Variants in LPP observed in about 807,000 individuals in gnomAD.
LPP encodes LIM domain containing preferred translocation partner in lipoma.
Under a neutral mutation model 60.4 loss-of-function variants are expected in LPP, and 38 were observed. That is an observed-to-expected ratio of 0.63 (90% confidence interval 0.49 to 0.83). LPP has a LOEUF of 0.83. Ranked by LOEUF, LPP falls within the 40% of genes least tolerant of loss-of-function variation. The pLI, the probability that LPP is intolerant of heterozygous loss-of-function variation, is 0.00. For synonymous variants in LPP, 328 were observed against 290.8 expected, an observed-to-expected ratio of 1.13 and a Z score of -1.30; for missense variants, 902 against 783.6, an observed-to-expected ratio of 1.15 and a Z score of -1.80.
intron 2 of LPP, among the ~76,000 whole-genome samples, chr3:188,316,130 C>T (rs1754981955): frequency 6.6e-6 from 1 of 152,004 alleles, no homozygotes. Flanking sequence ...ACAAAAAAAC[C>T]AGCCAGGCAT....
intron 7 of LPP, among the ~76,000 whole-genome samples, chr3:188,692,715 C>A (rs1862391598): frequency 6.6e-6 from 1 of 152,216 alleles, no homozygotes; most frequent in South Asian, 2.1e-4. Flanking sequence ...AGGCACTCAG[C>A]AAGTGCCCTT....
intron 3 of LPP, among the ~76,000 whole-genome samples, chr3:188,397,756 G>A (rs1302363784): frequency 6.6e-6 from 1 of 152,054 alleles, no homozygotes; most frequent in Non-Finnish European, 1.5e-5. Context: ...TGGGACTACA[G>A]GTGTGCACCT....
At chr3:188,658,810 C>G (rs1853934198) in intron 7 of LPP, among the ~76,000 whole-genome samples, 1 of 152,174 alleles carries the variant, frequency 6.6e-6, no homozygotes, top group Non-Finnish European at 1.5e-5. Flanking sequence ...ACAATCTGGT[C>G]CTTTGGCTGG....
chr3:188,737,569 C>T (rs1722964300), intron 8 of LPP, among the ~76,000 whole-genome samples: 1 of 152,138 alleles, frequency 6.6e-6, no homozygotes, highest in African/African-American at 2.4e-5. Context: ...CCCCCTTTCC[C>T]ACTCGCCCTC....
At chr3:188,273,590 T>TG (rs1738586124) in intron 2 of LPP, among the ~76,000 whole-genome samples, 1 of 1,014 alleles carries the variant, frequency 9.9e-4, no homozygotes, top group Non-Finnish European at 2.3e-3. Context: ...ATTTTATATC[T>TG]TTTTTTTTTT....
In LPP at chr3:188,890,111, G is replaced by A. The variant is rs1037670252; in HGVS notation, c.*15632G>A. On this transcript the variant is annotated 3_prime_UTR_variant, in exon 12 of 12. Coordinates refer to ENST00000617246, the MANE Select transcript of LPP (RefSeq NM_001375462.1). ...AAAGGTTAAATGGTGTTTACAAGTG[G>A]ATAGATAAGGCGGAGATGGTGAGAA... The A allele has an allele frequency of 9.3e-6, 2 of 215,202 alleles. No individual in the cohort carries two copies. Among genetic ancestry groups the A allele is most frequent in the Non-Finnish European group, 1.9e-5 (2 of 106,616 alleles). The allele number at this position is 215,202 out of a possible 1,614,324, so 13.3% of individuals were successfully genotyped here.
At chr3:188,767,322 A>G (rs2150601776) in intron 9 of LPP, among the ~76,000 whole-genome samples, 1 of 152,284 alleles carries the variant, frequency 6.6e-6, no homozygotes, top group Admixed American at 6.5e-5. Context: ...ACTTTTTGAT[A>G]AATGTCACAG....
At chr3:188,607,937 A>T (rs1000370900) in intron 6 of LPP, among the ~76,000 whole-genome samples, 9 of 151,890 alleles carry the variant, frequency 5.9e-5, no homozygotes, top group Admixed American at 4.6e-4. Context: ...TCCTTTTTTT[A>T]TGTGGTATTT....
At chr3:188,567,189 A>G (rs1832378916) in intron 6 of LPP, among the ~76,000 whole-genome samples, 1 of 151,930 alleles carries the variant, frequency 6.6e-6, no homozygotes, top group South Asian at 2.1e-4. Context: ...ATGACGCTGT[A>G]AAACTTTTTG....
intron 8 of LPP, among the ~76,000 whole-genome samples, chr3:188,713,606 TAGAG>T (rs928915034): frequency 2.0e-4 from 30 of 151,652 alleles, no homozygotes; most frequent in East Asian, 9.7e-4. Flanking sequence ...GTGACAGAAA[TAGAG>T]AGAGAGAGAC....
intron 1 of LPP, among the ~76,000 whole-genome samples, chr3:188,187,045 T>G (rs565882732): frequency 1.2e-4 from 19 of 152,298 alleles, no homozygotes; most frequent in Admixed American, 1.2e-3. Context: ...TATTAGAGTT[T>G]CCCTCCACTT....
intron 2 of LPP, among the ~76,000 whole-genome samples, chr3:188,277,931 A>G (rs916368222): frequency 6.6e-6 from 1 of 152,202 alleles, no homozygotes; most frequent in African/African-American, 2.4e-5. Context: ...TTTAGTAGAG[A>G]TAAGGCAGAG....
intron 2 of LPP, among the ~76,000 whole-genome samples, chr3:188,338,000 T>G (rs1187181712): frequency 6.6e-6 from 1 of 152,234 alleles, no homozygotes; most frequent in African/African-American, 2.4e-5. Flanking sequence ...ATTTCTAGAT[T>G]ATACATTCCA....
rs143113280 is a variant in LPP at position 188,351,361 on chromosome 3, A to C, written c.-10+9642A>C. Among the ~76,000 whole-genome samples the C allele has an allele frequency of 7.9e-5, 12 of 152,284 alleles. No homozygotes were observed. In the East Asian group the frequency reaches 2.3e-3, roughly 29 times the overall value. ...AAATGACTTACTTAAATTTGCCTGC[A>C]TAGTTAGTGGCAGTTCTGCAAATCG... On this transcript the variant is annotated intron_variant, in intron 3 of 11. Transcript: ENST00000617246.
chr3:188,517,724 A>T (rs1817764672), intron 5 of LPP, among the ~76,000 whole-genome samples: 1 of 152,186 alleles, frequency 6.6e-6, no homozygotes, highest in African/African-American at 2.4e-5. Flanking sequence ...AAACCATCAG[A>T]TCTCGTGAAA....
intron 8 of LPP, among the ~76,000 whole-genome samples, chr3:188,750,441 G>A (rs1359032595): frequency 1.3e-5 from 2 of 152,050 alleles, no homozygotes; most frequent in African/African-American, 4.8e-5. Flanking sequence ...GACTAGCCTG[G>A]CCAACATGGT....
intron 6 of LPP, among the ~76,000 whole-genome samples, chr3:188,570,505 G>A (rs2150834487): frequency 6.6e-6 from 1 of 152,086 alleles, no homozygotes; most frequent in South Asian, 2.1e-4. Flanking sequence ...CTGTGGAGTG[G>A]CTTAAAGGAC....
At position 188,424,267 on chromosome 3, in the gene LPP, A is replaced by T. The variant is rs574089417; in HGVS notation, c.193+17954A>T. On this transcript the variant is annotated intron_variant, in intron 4 of 11. Coordinates refer to ENST00000617246, the MANE Select transcript of LPP (RefSeq NM_001375462.1). ...TTTGTCAGAGATCAGATGGTTGTAGATGTGCAGTGTTATTTCTGAGGCCTC... is the reference window on the plus strand; with the variant it reads ...TTTGTCAGAGATCAGATGGTTGTAGTTGTGCAGTGTTATTTCTGAGGCCTC... Among the ~76,000 whole-genome samples, 17 of 152,184 alleles carry T rather than the reference A, an allele frequency of 1.1e-4. 1 individual carries two copies. In the South Asian group the frequency reaches 3.5e-3, roughly 32 times the overall value.
At chr3:188,757,909 T>C (rs796518336) in intron 8 of LPP, among the ~76,000 whole-genome samples, 33 of 147,876 alleles carry the variant, frequency 2.2e-4, no homozygotes, top group African/African-American at 3.0e-4. Context: ...TTTTTTTTTT[T>C]CAGAATAATT....
Sources: allele counts gnomAD v4.1 joint callset (sites outside exome capture counted in the v4.1 genomes callset), GRCh38; gene constraint gnomAD v4.1.1; transcripts MANE v1.5; gene names NCBI Gene and HGNC (gene_info 2026-07-23, HGNC 2026-07-21).